GRIN3A: variants seen among roughly 807,000 people sequenced by gnomAD.
GRIN3A encodes the protein glutamate ionotropic receptor NMDA type subunit 3A.
In GRIN3A, 47 loss-of-function variants were observed where a neutral mutation model predicts 92.4. The observed-to-expected ratio is 0.51, with a 90% CI of 0.40 to 0.65. The LOEUF (loss-of-function observed/expected upper bound fraction) is 0.65. GRIN3A is among the 30% of genes least tolerant of loss of function. The pLI, the probability that GRIN3A is intolerant of heterozygous loss-of-function variation, is 0.00. For missense variants in GRIN3A, 1,324 were observed against 1,393.1 expected (o/e 0.95, Z 0.79); for synonymous variants, 527 against 540.6 (o/e 0.97, Z 0.35).
chr9:101,717,497 T>C (rs527751814), intron 1 of GRIN3A, among the ~76,000 whole-genome samples: 1 of 152,218 alleles, frequency 6.6e-6, no homozygotes, highest in African/African-American at 2.4e-5. Flanking sequence ...AGAGTCGTAC[T>C]TAATGACGGA....
At chr9:101,712,029 C>T (rs1214737324) in intron 1 of GRIN3A, among the ~76,000 whole-genome samples, 2 of 152,166 alleles carry the variant, frequency 1.3e-5, no homozygotes, top group African/African-American at 2.4e-5. Flanking sequence ...TGAATTTCAG[C>T]TTTATGGGGC....
In GRIN3A at chr9:101,679,974, A is replaced by C. The variant is rs147649529; in HGVS notation, c.1304+6622T>G. 5.3e-4 allele frequency among the ~76,000 whole-genome samples: 80 copies of C among 152,338 alleles called. No individual in the cohort carries two copies. The East Asian group carries it at 0.013, about 24-fold the overall frequency. On this transcript the variant is annotated intron_variant, in intron 2 of 8. Transcript: ENST00000361820. ...GCTTCAGGCTGAAAGAATATAAATT[A>C]AAAAGTAATAGGATCCCAATTAAGG...
chr9:101,641,804 C>T (rs1036260215), intron 3 of GRIN3A, among the ~76,000 whole-genome samples: 13 of 144,268 alleles, frequency 9.0e-5, no homozygotes, highest in South Asian at 2.2e-4. Context: ...AAAAAAAAAA[C>T]GAAATGCAAT....
chr9:101,718,899 C>A (rs1829976944), intron 1 of GRIN3A, among the ~76,000 whole-genome samples: 1 of 152,086 alleles, frequency 6.6e-6, no homozygotes, highest in African/African-American at 2.4e-5. Context: ...GCAAATGGTA[C>A]TGGTATTTCA....
chr9:101,582,863 T>G (rs988510687), intron 6 of GRIN3A, among the ~76,000 whole-genome samples: 7 of 152,214 alleles, frequency 4.6e-5, no homozygotes, highest in Non-Finnish European at 8.8e-5. Flanking sequence ...TGTTTCCTTG[T>G]GCATAACAAT....
chr9:101,698,929 A>G (rs1476133869), intron 1 of GRIN3A, among the ~76,000 whole-genome samples: 1 of 152,132 alleles, frequency 6.6e-6, no homozygotes, highest in East Asian at 1.9e-4. Context: ...TGGTCTCCCA[A>G]AGTGCTGGGA....
intron 5 of GRIN3A, among the ~76,000 whole-genome samples, chr9:101,614,336 T>C (rs1347227635): frequency 6.6e-6 from 1 of 152,120 alleles, no homozygotes; most frequent in African/African-American, 2.4e-5. Flanking sequence ...CTGTTCATAA[T>C]AGCAAAAATT....
intron 5 of GRIN3A, among the ~76,000 whole-genome samples, chr9:101,619,911 T>C (rs1444126117): frequency 2.0e-5 from 3 of 152,232 alleles, no homozygotes; most frequent in African/African-American, 7.2e-5. Context: ...TGGTTTTTAA[T>C]TCGACCAAAG....
intron 6 of GRIN3A, among the ~76,000 whole-genome samples, chr9:101,589,413 G>A (rs1254099746): frequency 6.6e-6 from 1 of 152,182 alleles, no homozygotes; most frequent in Admixed American, 6.5e-5. Context: ...CATTCCCAAT[G>A]CCACCAAAGA....
chr9:101,726,145 A>G (rs1325004590), intron 1 of GRIN3A, among the ~76,000 whole-genome samples: 2 of 152,202 alleles, frequency 1.3e-5, no homozygotes, highest in Non-Finnish European at 2.9e-5. Context: ...GGGAGGACAT[A>G]TAATTTGGGG....
chr9:101,653,016 C>A (rs1829034134), intron 3 of GRIN3A, among the ~76,000 whole-genome samples: 1 of 151,786 alleles, frequency 6.6e-6, no homozygotes, highest in Non-Finnish European at 1.5e-5. Flanking sequence ...AGGAGATTTT[C>A]AAAAATGAAA....
At chr9:101,606,150 G>C (rs1008236243) in intron 6 of GRIN3A, among the ~76,000 whole-genome samples, 1 of 152,210 alleles carries the variant, frequency 6.6e-6, no homozygotes, top group Non-Finnish European at 1.5e-5. Flanking sequence ...TGCAGAGGCT[G>C]CACACTCTCA....
At chr9:101,714,919 C>T (rs757841365) in intron 1 of GRIN3A, among the ~76,000 whole-genome samples, 1 of 152,088 alleles carries the variant, frequency 6.6e-6, no homozygotes, top group Non-Finnish European at 1.5e-5. Flanking sequence ...AGTTCTGCTA[C>T]ATTAAATGTC....
chr9:101,623,858 C>T (rs1360476197), intron 4 of GRIN3A, among the ~76,000 whole-genome samples: 1 of 152,164 alleles, frequency 6.6e-6, no homozygotes, highest in Non-Finnish European at 1.5e-5. Context: ...AATTGAGGCT[C>T]AGAGGATTGA....
At chr9:101,610,244 T>A (rs901982951) in intron 6 of GRIN3A, among the ~76,000 whole-genome samples, 1 of 152,228 alleles carries the variant, frequency 6.6e-6, no homozygotes, top group Admixed American at 6.5e-5. Context: ...TAGTGAGAAC[T>A]ACGCTCTGGG....
At chr9:101,630,697 A>G (rs1400677660) in intron 3 of GRIN3A, among the ~76,000 whole-genome samples, 1 of 152,196 alleles carries the variant, frequency 6.6e-6, no homozygotes, top group African/African-American at 2.4e-5. Context: ...AAATTTTCAC[A>G]ATAATCTTAC....
rs1246534250 is a variant in GRIN3A at position 101,623,436 on chromosome 9, A to G, written c.2499-3T>C. 19 of 1,556,066 alleles carry G rather than the reference A, an allele frequency of 1.2e-5. No homozygotes were observed. The highest frequency in any genetic ancestry group is 1.4e-5 in the Non-Finnish European group (16 of 1,127,274). On this transcript the variant is annotated splice_region_variant and splice_polypyrimidine_tract_variant and intron_variant, in intron 4 of 8. Transcript: ENST00000361820. ...CGTCTAGTTTCTCTGGATCATTCCT[A>G]TATTTAAGACCAGAGGAGAAAAGTG... is the stretch of plus-strand genomic sequence containing the variant.
In GRIN3A at chr9:101,714,005, C is replaced by G. The variant is rs1438889299; in HGVS notation, c.699+23276G>C. Reference sequence around the variant, plus strand: ...CTGTGGCACTGCACTCCAGTCTGTGCAACAGAGTAAGATCCTGTTTCTGAA... The same window carrying G: ...CTGTGGCACTGCACTCCAGTCTGTGGAACAGAGTAAGATCCTGTTTCTGAA... On this transcript the variant is annotated intron_variant, in intron 1 of 8. Transcript: ENST00000361820. 2.0e-5 allele frequency among the ~76,000 whole-genome samples: 3 copies of G among 152,054 alleles called. No individual in the cohort carries two copies. In the East Asian group the frequency reaches 5.8e-4, roughly 29 times the overall value.
At chr9:101,588,043 A>G (rs531605147) in intron 6 of GRIN3A, among the ~76,000 whole-genome samples, 3 of 152,322 alleles carry the variant, frequency 2.0e-5, no homozygotes, top group African/African-American at 7.2e-5. Context: ...GGGGAGAAGT[A>G]GGAGAATGAT....
Sources: allele counts gnomAD v4.1 joint callset (sites outside exome capture counted in the v4.1 genomes callset), GRCh38; gene constraint gnomAD v4.1.1; transcripts MANE v1.5; gene names NCBI Gene and HGNC (gene_info 2026-07-23, HGNC 2026-07-21).